The following NOP58 variants were observed in gnomAD, a reference collection of about 807,000 sequenced individuals.
NOP58 encodes NOP58 ribonucleoprotein, also known as nucleolar protein 58.
NOP58 carries 44 observed loss-of-function variants against 71.2 expected under a neutral mutation model. That is an observed-to-expected ratio of 0.62 (90% CI 0.49 to 0.79). The LOEUF is 0.79. Ranked by LOEUF, NOP58 falls within the 30% of genes least tolerant of loss-of-function variation. The probability of loss-of-function intolerance (pLI) is 0.00; values close to 1 mark genes in which losing one functional copy is unlikely to be tolerated. For missense variants in NOP58, 538 were observed against 620.2 expected, an observed-to-expected ratio of 0.87 and a Z score of 1.41; for synonymous variants, 228 against 200.3, an observed-to-expected ratio of 1.14 and a Z score of -1.17.
chr2:202,296,538 A>G (rs965634110), intron 10 of NOP58, among the ~76,000 whole-genome samples: 16 of 152,132 alleles, frequency 1.1e-4, no homozygotes, highest in East Asian at 3.9e-4. Context: ...AGGTATCTCT[A>G]TCTTGCAGAT....
At chr2:202,303,105 C>G (rs780772006) in intron 14 of NOP58, 48 bp downstream of exon 14, 92 of 1,560,078 alleles carry the variant, frequency 5.9e-5, no homozygotes, top group Non-Finnish European at 7.5e-5. Flanking sequence ...GGCCAGTTCT[C>G]TATATTTCAA....
intron 1 of NOP58, among the ~76,000 whole-genome samples, chr2:202,272,373 C>G (rs1013124979): frequency 6.6e-6 from 1 of 151,894 alleles, no homozygotes; most frequent in Admixed American, 6.6e-5. Context: ...CTAGGATGGT[C>G]TCGATCTCCT....
Position 202,291,267 on chromosome 2 carries a change from C to G in NOP58, c.777C>G (p.Thr259=). Residue 259 remains threonine (T), a synonymous_variant, in exon 8 of 15, where the codon ACC becomes ACG. Coordinates refer to ENST00000264279, the MANE Select transcript of NOP58 (RefSeq NM_015934.5). The stretch of plus-strand genomic sequence containing the variant: ...TTTGCAATATTCTGCATCTTTGCAC[C>G]CAGGTAAATTTTACTCCTGGAGAAT... ...EDICNILHLC[T]QVIEISEYRT... 6.3e-7 allele frequency: 1 copy of G among 1,598,842 alleles called. No homozygotes were observed.
chr2:202,276,849 A>G (rs940247608), intron 2 of NOP58, among the ~76,000 whole-genome samples: 2 of 151,724 alleles, frequency 1.3e-5, no homozygotes, highest in East Asian at 3.9e-4. Context: ...TCTCAAAAAC[A>G]TAAAGGGGGC....
At chr2:202,291,091 T>A in intron 7 of NOP58, 34 bp from the exon 8 acceptor site, 1 of 1,523,224 alleles carries the variant, frequency 6.6e-7, no homozygotes, top group East Asian at 2.3e-5. Context: ...TGTTGAAGAG[T>A]GATTCTCCCT....
chr2:202,277,155 C>T (rs1367213398), intron 2 of NOP58, among the ~76,000 whole-genome samples: 31 of 152,164 alleles, frequency 2.0e-4, no homozygotes, highest in East Asian at 3.9e-4. Context: ...GGTGTGGTGG[C>T]GGGTGCCTGT....
intron 13 of NOP58, among the ~76,000 whole-genome samples, chr2:202,301,475 G>A (rs994047103): frequency 1.3e-5 from 2 of 152,052 alleles, no homozygotes; most frequent in African/African-American, 2.4e-5. Flanking sequence ...GAGCCACCAC[G>A]CCCAGTCCTC....
At chr2:202,289,604 A>G (rs1175907946) in intron 6 of NOP58, among the ~76,000 whole-genome samples, 2 of 152,220 alleles carry the variant, frequency 1.3e-5, no homozygotes, top group Admixed American at 6.6e-5. Flanking sequence ...ACACCCAGCC[A>G]CTTCACACAG....
At chr2:202,282,524 C>A (rs1207098809) in intron 4 of NOP58, 52 bp downstream of exon 4, 2 of 1,554,438 alleles carry the variant, frequency 1.3e-6, no homozygotes, top group Admixed American at 2.1e-5. Flanking sequence ...TCACAGCATA[C>A]CAACTACAAA....
intron 6 of NOP58, 132 bp from the exon 7 acceptor site, chr2:202,290,191 T>G: frequency 4.6e-6 from 3 of 645,836 alleles, no homozygotes; most frequent in Non-Finnish European, 7.6e-6. Flanking sequence ...TCTGACTTCG[T>G]GATATGCCTG....
At chr2:202,277,350 T>C (rs1688619288) in intron 2 of NOP58, among the ~76,000 whole-genome samples, 1 of 150,262 alleles carries the variant, frequency 6.7e-6, no homozygotes, top group African/African-American at 2.5e-5. Flanking sequence ...CACAGGCACA[T>C]GCCTGTAATC....
intron 9 of NOP58, among the ~76,000 whole-genome samples, chr2:202,293,535 A>C (rs1199850190): frequency 6.6e-6 from 1 of 152,252 alleles, no homozygotes; most frequent in African/African-American, 2.4e-5. Context: ...GTTATAATTC[A>C]TCAAAAAAGA....
At chr2:202,272,450 A>G (rs1688526971) in intron 1 of NOP58, among the ~76,000 whole-genome samples, 1 of 152,150 alleles carries the variant, frequency 6.6e-6, no homozygotes, top group Non-Finnish European at 1.5e-5. Context: ...CACCGTGCCC[A>G]GCCTGTATAA....
intron 3 of NOP58, chr2:202,278,441 G>T (rs982377374): frequency 2.9e-6 from 1 of 340,392 alleles, no homozygotes; most frequent in Non-Finnish European, 5.8e-6. Context: ...GCTCTTCTGG[G>T]GGTATAGATT....
intron 11 of NOP58, 106 bp from the exon 12 acceptor site, chr2:202,297,738 TA>T (rs1229678873): frequency 3.7e-6 from 3 of 808,364 alleles, no homozygotes; most frequent in Non-Finnish European, 5.8e-6. Context: ...AAACAAAAAA[TA>T]GCAGAAATTG....
chr2:202,299,687 T>G, intron 12 of NOP58, among the ~76,000 whole-genome samples: 1 of 152,324 alleles, frequency 6.6e-6, no homozygotes, highest in East Asian at 1.9e-4. Flanking sequence ...TTTTAGGCAC[T>G]CATTTCAGTA....
rs550238534 is a variant in NOP58 at position 202,295,494 on chromosome 2, A to T, written c.908-180A>T. ...CATTCATTGCAAACCTGCTTGTGCT[A>T]ATGAAGGAATTACAAATGAAACATC... On this transcript the variant is annotated intron_variant, in intron 9 of 14. Transcript: ENST00000264279. Among the ~76,000 whole-genome samples, 9 of 152,320 alleles carry T rather than the reference A, an allele frequency of 5.9e-5. No homozygotes were observed. In the South Asian group the frequency reaches 1.7e-3, roughly 28 times the overall value.
chr2:202,282,714 C>T (rs1047835958), intron 4 of NOP58, among the ~76,000 whole-genome samples: 12 of 152,144 alleles, frequency 7.9e-5, no homozygotes, highest in African/African-American at 2.9e-4. Context: ...AACAAATCTG[C>T]TACCCATATA....
At chr2:202,303,284 T>C (rs913753833) in intron 14 of NOP58, 102 bp from the exon 15 acceptor site, 1 of 1,534,322 alleles carries the variant, frequency 6.5e-7, no homozygotes, top group African/African-American at 1.4e-5. Context: ...TATGATTTGC[T>C]CAAGCTTACT....
Sources: gnomAD v4.1 joint callset for allele counts (sites outside exome capture counted in the v4.1 genomes callset) on GRCh38, gnomAD v4.1.1 for gene constraint, MANE v1.5 for transcripts, NCBI Gene and HGNC (gene_info 2026-07-23, HGNC 2026-07-21) for gene names.